TLK2: variants seen among roughly 807,000 people sequenced by gnomAD.
TLK2 encodes the protein serine/threonine-protein kinase tousled-like 2.
Under a neutral mutation model 117.3 loss-of-function variants are expected in TLK2, and 6 were observed. The observed-to-expected ratio is 0.05, with a 90% CI of 0.03 to 0.10. The LOEUF (loss-of-function observed/expected upper bound fraction) is 0.10. Among genes scored for constraint, TLK2 ranks in the 10% least tolerant of loss-of-function variants. The probability of loss-of-function intolerance (pLI) is 1.00; values close to 1 mark genes in which losing one functional copy is unlikely to be tolerated. For synonymous variants in TLK2, 257 were observed against 316.7 expected, an observed-to-expected ratio of 0.81 and a Z score of 2.00; for missense variants, 299 against 901.2, an observed-to-expected ratio of 0.33 and a Z score of 8.56.
At chr17:62,547,416 C>T (rs1410076868) in intron 7 of TLK2, among the ~76,000 whole-genome samples, 1 of 151,674 alleles carries the variant, frequency 6.6e-6, no homozygotes, top group Non-Finnish European at 1.5e-5. Flanking sequence ...CAGGACCAGG[C>T]ACAGAGGGTC....
intron 15 of TLK2, among the ~76,000 whole-genome samples, chr17:62,582,896 C>T (rs1268054066): frequency 6.6e-6 from 1 of 152,102 alleles, no homozygotes; most frequent in African/African-American, 2.4e-5. Flanking sequence ...TTTTTATAAT[C>T]AGCTTATTTT....
intron 7 of TLK2, among the ~76,000 whole-genome samples, chr17:62,538,257 G>C (rs1287334299): frequency 6.6e-6 from 1 of 151,630 alleles, no homozygotes; most frequent in Non-Finnish European, 1.5e-5. Flanking sequence ...GGATGGTCTC[G>C]ATCTCCTGAC....
intron 2 of TLK2, among the ~76,000 whole-genome samples, chr17:62,484,323 A>T (rs374871775): frequency 1.3e-5 from 2 of 150,326 alleles, no homozygotes; most frequent in Admixed American, 6.6e-5. Flanking sequence ...TGAGACAGAG[A>T]TTCACTCTTG....
At chr17:62,519,876 T>C (rs2923240) in intron 2 of TLK2, among the ~76,000 whole-genome samples, 1 of 152,190 alleles carries the variant, frequency 6.6e-6, no homozygotes, top group African/African-American at 2.4e-5. Flanking sequence ...GTCTACAGTC[T>C]AGGCTGTATC....
At chr17:62,559,578 A>G (rs2079108962) in intron 9 of TLK2, among the ~76,000 whole-genome samples, 1 of 151,990 alleles carries the variant, frequency 6.6e-6, no homozygotes, top group South Asian at 2.1e-4. Flanking sequence ...GGGTTTGACC[A>G]CGCAGGCCAG....
At chr17:62,542,405 C>T (rs957238664) in intron 7 of TLK2, among the ~76,000 whole-genome samples, 13 of 152,150 alleles carry the variant, frequency 8.5e-5, no homozygotes, top group Non-Finnish European at 1.6e-4. Flanking sequence ...CTGTACCTGG[C>T]CTTATTTAAT....
At chr17:62,571,510 TGAG>T (rs2080287520) in intron 11 of TLK2, among the ~76,000 whole-genome samples, 1 of 152,110 alleles carries the variant, frequency 6.6e-6, no homozygotes, top group East Asian at 1.9e-4. Context: ...TGAGTAGGGA[TGAG>T]GAGGTCTAGC....
chr17:62,532,917 T>A (rs2076841493), intron 6 of TLK2, among the ~76,000 whole-genome samples: 1 of 152,190 alleles, frequency 6.6e-6, no homozygotes, highest in African/African-American at 2.4e-5. Flanking sequence ...ATTAGCAGTT[T>A]GAGAGTACCA....
intron 2 of TLK2, among the ~76,000 whole-genome samples, chr17:62,500,519 A>G (rs1298692517): frequency 1.3e-5 from 2 of 152,220 alleles, no homozygotes; most frequent in Admixed American, 1.3e-4. Context: ...AGACAAATCC[A>G]CAATTACATT....
chr17:62,479,794 C>T (rs1445531177), intron 1 of TLK2, among the ~76,000 whole-genome samples: 1 of 152,192 alleles, frequency 6.6e-6, no homozygotes, highest in African/African-American at 2.4e-5. Flanking sequence ...GCCGGGGCGT[C>T]ATTTTCCGGG....
chr17:62,531,689 C>T (rs909523510), intron 6 of TLK2, among the ~76,000 whole-genome samples: 4 of 151,978 alleles, frequency 2.6e-5, no homozygotes, highest in Non-Finnish European at 5.9e-5. Context: ...TTGCTCCTTC[C>T]GAGTACCTAG....
chr17:62,592,590 C>T (rs2082159693), intron 16 of TLK2, among the ~76,000 whole-genome samples: 1 of 152,134 alleles, frequency 6.6e-6, no homozygotes, highest in African/African-American at 2.4e-5. Context: ...ACCTGTATAG[C>T]ATGTTACTGT....
intron 9 of TLK2, among the ~76,000 whole-genome samples, chr17:62,556,103 T>C (rs1824022445): frequency 6.6e-6 from 1 of 152,068 alleles, no homozygotes; most frequent in Admixed American, 6.6e-5. Flanking sequence ...TTAATAGAGA[T>C]GGGTTTTTGC....
chr17:62,507,243 C>T (rs1284030385), intron 2 of TLK2: 1 of 151,720 alleles, frequency 6.6e-6, no homozygotes, highest in Non-Finnish European at 1.5e-5. Context: ...CATTGTACTC[C>T]AGCCTGGGCA....
At chr17:62,574,983 A>G (rs2080660125) in intron 12 of TLK2, among the ~76,000 whole-genome samples, 1 of 152,200 alleles carries the variant, frequency 6.6e-6, no homozygotes, top group Non-Finnish European at 1.5e-5. Flanking sequence ...AGGCTAATTA[A>G]TCTGACCAAT....
Position 62,580,160 on chromosome 17 carries a change from T to C in TLK2, c.1336T>C (p.Leu446=), listed in dbSNP as rs1346031318. Reference sequence around the variant, plus strand: ...TGACAGATATTTGTTGTTACATCTTTTGGGTAGAGGAGGTTTCAGTGAAGT... The same window carrying C: ...TGACAGATATTTGTTGTTACATCTTCTGGGTAGAGGAGGTTTCAGTGAAGT... ...LNDRYLLLHL[L]GRGGFSEVYK... is the part of the protein sequence containing the mutation. The change falls in exon 15 of 22, where the codon TTG becomes CTG. Residue 446 remains leucine, a synonymous_variant. Coordinates refer to ENST00000346027, the MANE Select transcript of TLK2 (RefSeq NM_006852.6). 9 of 1,613,088 alleles carry C rather than the reference T, an allele frequency of 5.6e-6. No homozygotes were observed. Among genetic ancestry groups the C allele is most frequent in the Non-Finnish European group, 7.6e-6 (9 of 1,179,624 alleles).
At chr17:62,516,540 G>C in intron 2 of TLK2, 2 of 1,609,284 alleles carry the variant, frequency 1.2e-6, no homozygotes, top group Admixed American at 1.7e-5. Context: ...GGAGATACTG[G>C]ATACACTCAT....
intron 2 of TLK2, among the ~76,000 whole-genome samples, chr17:62,503,310 G>T (rs1196889255): frequency 6.6e-6 from 1 of 151,826 alleles, no homozygotes; most frequent in Non-Finnish European, 1.5e-5. Context: ...CGCCTGCCTT[G>T]GCCTCCCAAA....
At chr17:62,509,556 G>A (rs1389892282) in intron 2 of TLK2, among the ~76,000 whole-genome samples, 1 of 152,162 alleles carries the variant, frequency 6.6e-6, no homozygotes, top group Non-Finnish European at 1.5e-5. Context: ...CCTTTGTTTT[G>A]TTTCAAGTAG....
Sources: allele counts gnomAD v4.1 joint callset (sites outside exome capture counted in the v4.1 genomes callset), GRCh38; gene constraint gnomAD v4.1.1; transcripts MANE v1.5; gene names NCBI Gene and HGNC (gene_info 2026-07-23, HGNC 2026-07-21).